IMMP2L: variants seen among roughly 807,000 people sequenced by gnomAD.
IMMP2L encodes the protein inner mitochondrial membrane peptidase subunit 2.
A neutral mutation model predicts 19.3 loss-of-function variants in IMMP2L; 18 were observed. That is an observed-to-expected ratio of 0.93 (90% CI 0.64 to 1.38). IMMP2L has a LOEUF of 1.38. Ranked by LOEUF, IMMP2L falls within the 40% of genes most tolerant of loss-of-function variation. The pLI is 0.00. For synonymous variants in IMMP2L, 76 were observed against 73.0 expected, an observed-to-expected ratio of 1.04 and a Z score of -0.21; for missense variants, 233 against 218.2, an observed-to-expected ratio of 1.07 and a Z score of -0.43.
chr7:111,190,478 C>CA (rs1479521881), intron 3 of IMMP2L, among the ~76,000 whole-genome samples: 4 of 151,854 alleles, frequency 2.6e-5, no homozygotes, highest in Non-Finnish European at 5.9e-5. Context: ...ATATAAAACA[C>CA]AAAAAATACA....
In IMMP2L at chr7:111,179,710, A is replaced by T. The variant is rs184949048; in HGVS notation, c.240-216145T>A. 7.8e-4 allele frequency among the ~76,000 whole-genome samples: 118 copies of T among 152,142 alleles called. 1 individual carries two copies. Among genetic ancestry groups the T allele is most frequent in the African/African-American group, 2.6e-3 (110 of 41,510 alleles). On this transcript the variant is annotated intron_variant, in intron 3 of 5. Transcript: ENST00000405709. ...AGCATTGACTTCTCTCTAGCTATCA[A>T]AGTCCTACACGGCATCTTCTTCCAA...
At chr7:110,706,309 G>A (rs1243188598) in intron 5 of IMMP2L, among the ~76,000 whole-genome samples, 1 of 152,112 alleles carries the variant, frequency 6.6e-6, no homozygotes, top group African/African-American at 2.4e-5. Context: ...TAGCCATCTT[G>A]CCAAGGCTGG....
At chr7:110,771,976 T>A (rs1216490693) in intron 5 of IMMP2L, among the ~76,000 whole-genome samples, 2 of 152,188 alleles carry the variant, frequency 1.3e-5, no homozygotes, top group Admixed American at 1.3e-4. Context: ...GAACTCTTAG[T>A]CATGATCTTT....
intron 3 of IMMP2L, among the ~76,000 whole-genome samples, chr7:111,143,146 T>C (rs2129599319): frequency 6.6e-6 from 1 of 152,290 alleles, no homozygotes; most frequent in South Asian, 2.1e-4. Flanking sequence ...GACATCCATC[T>C]TTGGAAACTG....
chr7:111,157,619 A>T (rs1804786996), intron 3 of IMMP2L, among the ~76,000 whole-genome samples: 1 of 152,142 alleles, frequency 6.6e-6, no homozygotes, highest in South Asian at 2.1e-4. Context: ...TAATGGACAC[A>T]AAAATATGGT....
At chr7:110,967,712 T>C (rs933798697) in intron 3 of IMMP2L, among the ~76,000 whole-genome samples, 1 of 152,118 alleles carries the variant, frequency 6.6e-6, no homozygotes, top group Non-Finnish European at 1.5e-5. Flanking sequence ...TGGCTTCTAT[T>C]ACAAGAGAAT....
chr7:110,999,536 A>T (rs1475359730), intron 3 of IMMP2L, among the ~76,000 whole-genome samples: 1 of 150,250 alleles, frequency 6.7e-6, no homozygotes, highest in African/African-American at 2.4e-5. Context: ...TGGTTCCTTT[A>T]TCATAGTTTT....
chr7:110,965,047 T>C (rs965719610), intron 3 of IMMP2L, among the ~76,000 whole-genome samples: 2 of 152,176 alleles, frequency 1.3e-5, no homozygotes, highest in East Asian at 3.9e-4. Flanking sequence ...ATATGTGAGA[T>C]AATAAACGTT....
At chr7:111,501,364 G>A (rs1291322176) in intron 2 of IMMP2L, among the ~76,000 whole-genome samples, 1 of 152,174 alleles carries the variant, frequency 6.6e-6, no homozygotes, top group East Asian at 1.9e-4. Flanking sequence ...ACCTGAAAGT[G>A]ACGGGGAGAA....
rs550875251 is a variant in IMMP2L at position 110,828,610 on chromosome 7, C to A, written c.408+57983G>T. Among the ~76,000 whole-genome samples the A allele has an allele frequency of 3.9e-5, 6 of 152,172 alleles. No homozygotes were observed. In the South Asian group the frequency reaches 1.2e-3, roughly 32 times the overall value. On this transcript the variant is annotated intron_variant, in intron 5 of 5. Transcript: ENST00000405709. ...GAGACTGGCAAAAAATAAATGTGAC[C>A]TTAGGTGATACTAAAAGAAATGTAT...
At chr7:111,361,431 G>C (rs1829251717) in intron 3 of IMMP2L, among the ~76,000 whole-genome samples, 1 of 152,026 alleles carries the variant, frequency 6.6e-6, no homozygotes, top group South Asian at 2.1e-4. Flanking sequence ...TCAATTATCT[G>C]GGAGTATATT....
In IMMP2L at chr7:111,504,310, T is replaced by G. The variant is rs559537532; in HGVS notation, c.136-16969A>C. Among the ~76,000 whole-genome samples, 56 of 152,054 alleles carry G rather than the reference T, an allele frequency of 3.7e-4. 1 individual carries two copies. In the East Asian group the frequency reaches 6.6e-3, roughly 18 times the overall value. On this transcript the variant is annotated intron_variant, in intron 2 of 5. Coordinates refer to ENST00000405709, the MANE Select transcript of IMMP2L (RefSeq NM_032549.4). ...AGGAGAACTACAAACCACTGCTCAATGAAATAAAAGAGGATATAAACAAAT... is the reference window on the plus strand; with the variant it reads ...AGGAGAACTACAAACCACTGCTCAAGGAAATAAAAGAGGATATAAACAAAT...
rs138714650 is a variant in IMMP2L, at chr7:111,535,867, A to AT, written c.-2-14419dup. Among the ~76,000 whole-genome samples, 1,303 of 152,234 alleles carry AT rather than the reference A, an allele frequency of 8.6e-3. 20 individuals are homozygous for AT. The highest frequency in any genetic ancestry group is 0.03 in the African/African-American group (1,235 of 41,548). The stretch of plus-strand genomic sequence containing the variant: ...ACCATATAGAAGTAGCAATGAGTAT[A>AT]TGTAGTACTCAATTCTTAGGGTCTA... On this transcript the variant is annotated intron_variant, in intron 1 of 5. Transcript: ENST00000405709.
At chr7:110,792,384 A>G (rs1032272562) in intron 5 of IMMP2L, among the ~76,000 whole-genome samples, 2 of 149,482 alleles carry the variant, frequency 1.3e-5, no homozygotes, top group Non-Finnish European at 2.9e-5. Flanking sequence ...TTTAGAAATT[A>G]AAATCTGTAT....
At chr7:111,471,291 G>A (rs575016022) in intron 3 of IMMP2L, among the ~76,000 whole-genome samples, 11 of 152,084 alleles carry the variant, frequency 7.2e-5, no homozygotes, top group Admixed American at 3.9e-4. Context: ...TGATTTACCC[G>A]CAAATCTTGA....
chr7:110,699,519 C>A (rs1424733309), intron 5 of IMMP2L, among the ~76,000 whole-genome samples: 1 of 152,072 alleles, frequency 6.6e-6, no homozygotes. Flanking sequence ...CGCCTTAATT[C>A]CAGCACTTTG....
chr7:110,852,428 A>G lies in IMMP2L; in HGVS notation c.408+34165T>C, dbSNP rs141725317. ...TAAGCCCAAGTCCTTGCAGGGCAAC[A>G]TGATGGCCAGAATGGTACCTGCACA... On this transcript the variant is annotated intron_variant, in intron 5 of 5. Transcript: ENST00000405709. Among the ~76,000 whole-genome samples the G allele has an allele frequency of 3.9e-3, 601 of 152,186 alleles. 2 individuals carry two copies. Among genetic ancestry groups the G allele is most frequent in the African/African-American group, 0.014 (569 of 41,572 alleles).
At chr7:110,914,988 T>C (rs906745716) in intron 4 of IMMP2L, among the ~76,000 whole-genome samples, 1 of 152,142 alleles carries the variant, frequency 6.6e-6, no homozygotes, top group Non-Finnish European at 1.5e-5. Flanking sequence ...GTACACTTGG[T>C]GGGAATGTAA....
chr7:111,290,302 A>T (rs1820944010), intron 3 of IMMP2L, among the ~76,000 whole-genome samples: 1 of 152,262 alleles, frequency 6.6e-6, no homozygotes, highest in African/African-American at 2.4e-5. Flanking sequence ...CCTTTACAAA[A>T]ATCCCTCACT....
Sources: allele counts gnomAD v4.1 joint callset (sites outside exome capture counted in the v4.1 genomes callset), GRCh38; gene constraint gnomAD v4.1.1; transcripts MANE v1.5; gene names NCBI Gene and HGNC (gene_info 2026-07-23, HGNC 2026-07-21).